The following RFX7 variants were observed in gnomAD, a reference collection of about 807,000 sequenced individuals.
RFX7 encodes the protein regulatory factor X7, also known as DNA-binding protein RFX7.
RFX7 carries 26 observed loss-of-function variants against 111.8 expected under a neutral mutation model. The observed-to-expected ratio is 0.23, with a 90% CI of 0.17 to 0.32. RFX7 has a LOEUF of 0.32. Among genes scored for constraint, RFX7 ranks in the 10% least tolerant of loss-of-function variants. The pLI is 1.00. For missense variants in RFX7, 1,573 were observed against 1,772.9 expected (o/e 0.89, Z 2.02); for synonymous variants, 624 against 624.4 (o/e 1.00, Z 0.01).
At chr15:56,230,887 G>A (rs1404825284) in intron 2 of RFX7, among the ~76,000 whole-genome samples, 3 of 152,242 alleles carry the variant, frequency 2.0e-5, no homozygotes, top group Non-Finnish European at 4.4e-5. Context: ...GAGGTCAGGA[G>A]ATCAAGACCA....
intron 5 of RFX7, among the ~76,000 whole-genome samples, chr15:56,114,411 C>CAAAAAA (rs55731452): frequency 3.9e-4 from 30 of 76,780 alleles, no homozygotes; most frequent in African/African-American, 1.7e-3. Context: ...ATTCTGTCTC[C>CAAAAAA]AAAAAAAAAA....
chr15:56,142,992 A>T, intron 4 of RFX7, 92 bp from the exon 5 acceptor site: 5 of 1,378,248 alleles, frequency 3.6e-6, no homozygotes, highest in Non-Finnish European at 5.0e-6. Context: ...AGAACTGTAT[A>T]CAAATACACT....
At position 56,217,160 on chromosome 15, in the gene RFX7, G is replaced by C. The variant is rs541234507; in HGVS notation, c.161+25965C>G. ...TGTACTATAATACATTCATTTTGCT[G>C]CACTATTTTAATAGTTGTATACATT... On this transcript the variant is annotated intron_variant, in intron 2 of 9. Transcript: ENST00000559447. Among the ~76,000 whole-genome samples, 8 of 152,028 alleles carry C rather than the reference G, an allele frequency of 5.3e-5. No individual in the cohort carries two copies. The South Asian group carries it at 1.7e-3, about 32-fold the overall frequency.
At chr15:56,125,144 G>C (rs1328634514) in intron 5 of RFX7, among the ~76,000 whole-genome samples, 1 of 152,164 alleles carries the variant, frequency 6.6e-6, no homozygotes, top group Non-Finnish European at 1.5e-5. Flanking sequence ...TAGCGTCTTT[G>C]TCAAAAATCA....
intron 2 of RFX7, among the ~76,000 whole-genome samples, chr15:56,224,824 T>A (rs2043464933): frequency 6.6e-6 from 1 of 152,120 alleles, no homozygotes; most frequent in Admixed American, 6.6e-5. Context: ...TTGAAAATCA[T>A]CCCACTGTTG....
In RFX7 at chr15:56,144,407, T is replaced by A; in HGVS notation, c.272A>T (p.Glu91Val). The change falls in exon 4 of 10, where the codon GAG (glutamate) becomes GTG (valine). Residue 91 changes from glutamate (E) to valine (V), a missense_variant. Physicochemically the swap from Glu to Val is moderately radical, Grantham distance 121. This residue lies in a region of RFX7 where 191 missense variants were observed against 194.2 expected (regional missense o/e 0.98). Coordinates refer to ENST00000559447, the MANE Select transcript of RFX7 (RefSeq NM_022841.7). ...AAGACAAGAATAGATATACCTTTTC[T>A]CTCCATTGCTGAGACCAGAAGGCAG... ...LQLPSGLSNGEKSDQNAMSSS... is the reference protein window; with the variant it reads ...LQLPSGLSNGVKSDQNAMSSS... The A allele has an allele frequency of 7.4e-7, 1 of 1,357,582 alleles. No homozygotes were observed. The highest frequency in any genetic ancestry group is 9.9e-7 in the Non-Finnish European group (1 of 1,013,088). 84.1% of individuals were successfully genotyped at this position (1,357,582 alleles called of 1,614,324 possible).
intron 2 of RFX7, among the ~76,000 whole-genome samples, chr15:56,231,894 T>C (rs2141232572): frequency 6.6e-6 from 1 of 152,310 alleles, no homozygotes; most frequent in Middle Eastern, 3.4e-3. Flanking sequence ...AAAGGCCCCA[T>C]GCAAGTCCCA....
chr15:56,107,976 G>T (rs564204630), intron 5 of RFX7, among the ~76,000 whole-genome samples: 7 of 152,196 alleles, frequency 4.6e-5, no homozygotes, highest in African/African-American at 1.7e-4. Context: ...AAAATTCCTG[G>T]ACACATACAC....
chr15:56,183,095 T>C (rs2042993876), intron 2 of RFX7, among the ~76,000 whole-genome samples: 1 of 152,118 alleles, frequency 6.6e-6, no homozygotes, highest in African/African-American at 2.4e-5. Context: ...TTTTCCTCAA[T>C]TACTAGCAAT....
At chr15:56,126,102 G>C (rs963422525) in intron 5 of RFX7, among the ~76,000 whole-genome samples, 3 of 152,010 alleles carry the variant, frequency 2.0e-5, no homozygotes, top group African/African-American at 4.8e-5. Context: ...GTTAATTTTT[G>C]AATAAAGCAT....
intron 3 of RFX7, among the ~76,000 whole-genome samples, chr15:56,175,835 T>C (rs935697896): frequency 1.3e-5 from 2 of 152,154 alleles, no homozygotes; most frequent in Non-Finnish European, 2.9e-5. Context: ...GTAAAGAGGC[T>C]GGCCAATCCT....
intron 2 of RFX7, among the ~76,000 whole-genome samples, chr15:56,232,632 CT>C (rs1792217012): frequency 2.0e-5 from 3 of 152,284 alleles, no homozygotes; most frequent in African/African-American, 7.2e-5. Flanking sequence ...ATTTTCTGAA[CT>C]TTTATGCTCT....
At chr15:56,199,519 T>C (rs2043174851) in intron 2 of RFX7, among the ~76,000 whole-genome samples, 1 of 152,186 alleles carries the variant, frequency 6.6e-6, no homozygotes, top group Non-Finnish European at 1.5e-5. Flanking sequence ...CTGTTTTCTT[T>C]AATGCAAGCA....
At chr15:56,110,025 C>A (rs1280471382) in intron 5 of RFX7, among the ~76,000 whole-genome samples, 8 of 130,826 alleles carry the variant, frequency 6.1e-5, no homozygotes, top group Admixed American at 4.3e-4. Flanking sequence ...CGCCTCTGCC[C>A]GGCCGCCCCT....
chr15:56,230,446 T>C (rs2043538950), intron 2 of RFX7, among the ~76,000 whole-genome samples: 1 of 152,242 alleles, frequency 6.6e-6, no homozygotes, highest in African/African-American at 2.4e-5. Flanking sequence ...AGTCCTTTAT[T>C]CTGTAAAGTG....
chr15:56,143,030 T>G, intron 4 of RFX7, 130 bp from the exon 5 acceptor site: 1 of 931,330 alleles, frequency 1.1e-6, no homozygotes, highest in African/African-American at 1.7e-5. Context: ...ACTTAGGACA[T>G]CTAGTAGATA....
intron 5 of RFX7, among the ~76,000 whole-genome samples, chr15:56,109,355 G>C (rs1405523924): frequency 6.6e-6 from 1 of 152,256 alleles, no homozygotes. Context: ...GTGCTCATTG[G>C]TGCCCAGGCT....
chr15:56,196,041 T>A (rs1191084669), intron 2 of RFX7, among the ~76,000 whole-genome samples: 3 of 152,192 alleles, frequency 2.0e-5, no homozygotes, highest in African/African-American at 7.2e-5. Context: ...AACTTGTGCC[T>A]GATATTTGAT....
At chr15:56,223,068 A>C (rs1212947126) in intron 2 of RFX7, among the ~76,000 whole-genome samples, 2 of 152,180 alleles carry the variant, frequency 1.3e-5, no homozygotes, top group African/African-American at 4.8e-5. Flanking sequence ...CTGAAGTCTT[A>C]ATTAATGCCC....
Sources: gnomAD v4.1 joint callset for allele counts (sites outside exome capture counted in the v4.1 genomes callset) on GRCh38, gnomAD v4.1.1 for gene constraint, gnomAD v4.1.1 regional missense constraint, MANE v1.5 for transcripts, NCBI Gene and HGNC (gene_info 2026-07-23, HGNC 2026-07-21) for gene names.